EVI5: variants seen among roughly 807,000 people sequenced by gnomAD.
EVI5 encodes ecotropic viral integration site 5.
EVI5 carries 73 observed loss-of-function variants against 112.0 expected under a neutral mutation model. That is an observed-to-expected ratio of 0.65 (90% CI 0.54 to 0.79). The LOEUF (loss-of-function observed/expected upper bound fraction) is 0.79. Among genes scored for constraint, EVI5 ranks in the 30% least tolerant of loss-of-function variants. The probability of loss-of-function intolerance (pLI) is 0.00; values close to 1 mark genes in which losing one functional copy is unlikely to be tolerated. For synonymous variants in EVI5, 305 were observed against 319.9 expected (o/e 0.95, Z 0.50); for missense variants, 900 against 968.8 (o/e 0.93, Z 0.94).
intron 18 of EVI5, among the ~76,000 whole-genome samples, chr1:92,571,184 TA>T (rs1670275071): frequency 6.7e-6 from 1 of 148,652 alleles, no homozygotes; most frequent in African/African-American, 2.5e-5. Context: ...CACACATACA[TA>T]AACACATGCA....
intron 2 of EVI5, among the ~76,000 whole-genome samples, chr1:92,730,280 C>T (rs559487069): frequency 1.4e-4 from 21 of 152,100 alleles, no homozygotes; most frequent in Admixed American, 5.2e-4. Flanking sequence ...ATCACTTGAG[C>T]CCAGGAGAAG....
intron 19 of EVI5, among the ~76,000 whole-genome samples, chr1:92,517,527 A>T (rs1014359938): frequency 3.3e-5 from 5 of 152,184 alleles, no homozygotes; most frequent in Non-Finnish European, 7.3e-5. Flanking sequence ...GGAACTCTTA[A>T]TTATTTAGGA....
In EVI5 at chr1:92,607,568, T is replaced by C. The variant is rs201943755; in HGVS notation, c.1974+13A>G. On this transcript the variant is annotated intron_variant, in intron 17 of 19. Transcript: ENST00000684568. ...ATTGACAAAAAACAAAATCAGTTAG[T>C]TGACATATTTACCTTGCATTCAATC... is the stretch of plus-strand genomic sequence containing the variant. 1.0e-5 allele frequency: 16 copies of C among 1,540,566 alleles called. No homozygotes were observed. The South Asian group carries it at 2.0e-4, about 20-fold the overall frequency.
chr1:92,563,110 T>C (rs1668883429), intron 19 of EVI5, among the ~76,000 whole-genome samples: 1 of 152,118 alleles, frequency 6.6e-6, no homozygotes, highest in Admixed American at 6.5e-5. Context: ...AAACTGAAAA[T>C]TTTGTGAGTT....
chr1:92,528,674 G>T (rs966729860), intron 19 of EVI5, among the ~76,000 whole-genome samples: 9 of 152,212 alleles, frequency 5.9e-5, no homozygotes, highest in African/African-American at 2.2e-4. Context: ...TCAGCATTGA[G>T]TGAAAGATCC....
rs565526689 is a variant in EVI5 at position 92,783,696 on chromosome 1, C to T, written c.-82+1140G>A. Among the ~76,000 whole-genome samples the T allele has an allele frequency of 2.7e-5, 4 of 150,848 alleles. No homozygotes were observed. In the South Asian group the frequency reaches 8.3e-4, roughly 31 times the overall value. Reference sequence around the variant, plus strand: ...GAGTGGTGGCGCGCGCCTGTAGTCCCAGCTACTCGCGGGGCTGAGGCAGGA... The same window carrying T: ...GAGTGGTGGCGCGCGCCTGTAGTCCTAGCTACTCGCGGGGCTGAGGCAGGA... On this transcript the variant is annotated intron_variant, in intron 1 of 19. Coordinates refer to ENST00000684568, the MANE Select transcript of EVI5 (RefSeq NM_001350197.2).
In EVI5 at chr1:92,634,467, G is replaced by A. The variant is rs773930975; in HGVS notation, c.1527+1735C>T. Among the ~76,000 whole-genome samples the A allele has an allele frequency of 6.8e-4, 103 of 151,856 alleles. 1 individual carries two copies. Among genetic ancestry groups the A allele is most frequent in the Non-Finnish European group, 1.0e-3 (68 of 68,004 alleles). On this transcript the variant is annotated intron_variant, in intron 14 of 19. Coordinates refer to ENST00000684568, the MANE Select transcript of EVI5 (RefSeq NM_001350197.2). ...CTGATACCCTTTCTTCCACTTGATC[G>A]AATCGGCTACTGAGGCTTGTGCATT...
intron 13 of EVI5, among the ~76,000 whole-genome samples, chr1:92,643,223 A>C (rs1279395861): frequency 6.6e-6 from 1 of 151,454 alleles, no homozygotes; most frequent in Non-Finnish European, 1.5e-5. Context: ...TCTCAGTTTG[A>C]TCTTATACTT....
At position 92,611,967 on chromosome 1, in the gene EVI5, T is replaced by G. The variant is rs536511790; in HGVS notation, c.1828-4240A>C. Reference sequence around the variant, plus strand: ...GAAAAAAAAGAATTCAGAGCAAAAATAACTGACTAACAGGTGAACAAATCC... The same window carrying G: ...GAAAAAAAAGAATTCAGAGCAAAAAGAACTGACTAACAGGTGAACAAATCC... On this transcript the variant is annotated intron_variant, in intron 16 of 19. Coordinates refer to ENST00000684568, the MANE Select transcript of EVI5 (RefSeq NM_001350197.2). Among the ~76,000 whole-genome samples, 5 of 151,774 alleles carry G rather than the reference T, an allele frequency of 3.3e-5. No individual in the cohort carries two copies. The East Asian group carries it at 7.7e-4, about 23-fold the overall frequency.
At chr1:92,627,676 A>G (rs1390098241) in intron 14 of EVI5, among the ~76,000 whole-genome samples, 1 of 152,190 alleles carries the variant, frequency 6.6e-6, no homozygotes, top group Non-Finnish European at 1.5e-5. Flanking sequence ...CATTGCATCC[A>G]CGCCAACATC....
intron 2 of EVI5, among the ~76,000 whole-genome samples, chr1:92,718,852 T>C (rs888190387): frequency 1.3e-5 from 2 of 151,636 alleles, no homozygotes; most frequent in African/African-American, 2.4e-5. Context: ...ATAAAAAAAT[T>C]ATAAGAGGGA....
chr1:92,695,159 G>C (rs1432960011), intron 7 of EVI5, 151 bp downstream of exon 7: 7 of 565,420 alleles, frequency 1.2e-5, no homozygotes, highest in Non-Finnish European at 1.6e-5. Context: ...CTACCTGATA[G>C]GGTTATTATA....
intron 9 of EVI5, among the ~76,000 whole-genome samples, chr1:92,686,397 C>T (rs1488020802): frequency 1.3e-5 from 2 of 152,118 alleles, no homozygotes; most frequent in East Asian, 3.8e-4. Flanking sequence ...GAACGTATCT[C>T]AAAATAATGA....
chr1:92,712,639 C>T (rs2102624116), intron 2 of EVI5, among the ~76,000 whole-genome samples: 1 of 151,934 alleles, frequency 6.6e-6, no homozygotes, highest in South Asian at 2.1e-4. Context: ...ATAATAAGAA[C>T]AAAGACTTCA....
Position 92,542,607 on chromosome 1 carries a change from T to A in EVI5, c.2166+21035A>T, listed in dbSNP as rs116665682. ...AGGAATCACTATATATGGCACTATA[T>A]GTCTTCTGGATAACCTGCTGCTTCT... On this transcript the variant is annotated intron_variant, in intron 19 of 19. Coordinates refer to ENST00000684568, the MANE Select transcript of EVI5 (RefSeq NM_001350197.2). Among the ~76,000 whole-genome samples, 1,329 of 152,358 alleles carry A rather than the reference T, an allele frequency of 8.7e-3. 16 individuals carry two copies. Among genetic ancestry groups the A allele is most frequent in the African/African-American group, 0.031 (1,273 of 41,570 alleles).
rs977026883 is a variant in EVI5 at position 92,759,857 on chromosome 1, CCT to C, written c.-81-23232_-81-23231del. On this transcript the variant is annotated intron_variant, in intron 1 of 19. Coordinates refer to ENST00000684568, the MANE Select transcript of EVI5 (RefSeq NM_001350197.2). ...TTCATATTCATACATATACAAATAC[CCT>C]CCCCCCCACATACATTTTGTCTATG... Among the ~76,000 whole-genome samples the C allele has an allele frequency of 5.3e-3, 607 of 114,606 alleles. 14 individuals are homozygous for C. The highest frequency in any genetic ancestry group is 0.02 in the African/African-American group (503 of 25,772). 75.2% of individuals were successfully genotyped at this position (114,606 alleles called of 152,430 possible).
chr1:92,745,183 A>G (rs1462467738), intron 1 of EVI5, among the ~76,000 whole-genome samples: 1 of 145,034 alleles, frequency 6.9e-6, no homozygotes, highest in African/African-American at 2.6e-5. Flanking sequence ...CAAGCGATCC[A>G]CCTGCCTCAG....
At chr1:92,711,258 A>G (rs183127613) in intron 2 of EVI5, among the ~76,000 whole-genome samples, 4 of 152,352 alleles carry the variant, frequency 2.6e-5, no homozygotes, top group Admixed American at 2.6e-4. Flanking sequence ...TCTGAAGTTC[A>G]TAAGCAAGGT....
intron 1 of EVI5, among the ~76,000 whole-genome samples, chr1:92,762,344 C>A (rs1168122538): frequency 2.0e-5 from 3 of 152,164 alleles, no homozygotes; most frequent in Admixed American, 6.5e-5. Context: ...TTATTATGAG[C>A]CAGGCACTGT....
Sources: allele counts gnomAD v4.1 joint callset (sites outside exome capture counted in the v4.1 genomes callset), GRCh38; gene constraint gnomAD v4.1.1; transcripts MANE v1.5; gene names NCBI Gene and HGNC (gene_info 2026-07-23, HGNC 2026-07-21).